Variants in TSC1 observed in about 807,000 individuals in gnomAD.
The protein encoded by TSC1 is TSC complex subunit 1.
Under a neutral mutation model 124.3 loss-of-function variants are expected in TSC1, and 20 were observed. That is an observed-to-expected ratio of 0.16 (90% CI 0.11 to 0.23). The LOEUF is 0.23. TSC1 is among the 10% of genes least tolerant of loss of function. TSC1 has a pLI of 1.00. For missense variants in TSC1, 1,124 were observed against 1,448.5 expected, an observed-to-expected ratio of 0.78 and a Z score of 3.64; for synonymous variants, 493 against 539.1, an observed-to-expected ratio of 0.91 and a Z score of 1.19.
In TSC1 at chr9:132,905,831, G is replaced by T. The variant is rs2131827202; in HGVS notation, c.1747C>A (p.Pro583Thr). ...GGAGGTGGAATTTTACAAGGACTGG[G>T]AGTGAAGATACTGGTCTCCAAAGAA... is the stretch of plus-strand genomic sequence containing the variant. ...QTSLETSIFT[P>T]SPCKIPPPTR... The change falls in exon 15 of 23, where the codon CCC becomes ACC. Residue 583 changes from proline (P) to threonine (T), a missense_variant. By Grantham distance (38) the Pro-to-Thr change is conservative (BLOSUM62 -1). Transcript: ENST00000298552. The T allele has an allele frequency of 3.1e-6, 5 of 1,614,146 alleles. No individual in the cohort carries two copies. The highest frequency in any genetic ancestry group is 4.2e-6 in the Non-Finnish European group (5 of 1,179,956).
chr9:132,913,821 G>A (rs1248840221), intron 8 of TSC1, among the ~76,000 whole-genome samples: 15 of 100,510 alleles, frequency 1.5e-4, no homozygotes, highest in Non-Finnish European at 2.4e-4. Context: ...GCGAGACTCC[G>A]TCTCAAAAAA....
rs1844859543 is a variant in TSC1, at chr9:132,893,186, C to CA, written c.*3048dup. On this transcript the variant is annotated 3_prime_UTR_variant, in exon 23 of 23. Transcript: ENST00000298552. ...CCGCAGCTTAGTCCCAAAGGTCAGG[C>CA]AGTTTTCTCTCCTGAAAAACTCTGT... 1 of 233,198 alleles carries CA rather than the reference C, an allele frequency of 4.3e-6. No individual in the cohort carries two copies. The highest frequency in any genetic ancestry group is 2.2e-5 in the African/African-American group (1 of 45,350). 14.4% of individuals were successfully genotyped at this position (233,198 alleles called of 1,614,324 possible).
chr9:132,904,562 T>C, intron 15 of TSC1, 108 bp from the exon 16 acceptor site: 1 of 1,064,246 alleles, frequency 9.4e-7, no homozygotes, highest in Non-Finnish European at 1.4e-6. Flanking sequence ...GGTCAAAATC[T>C]GCAATGGCAT....
chr9:132,942,043 G>A (rs1045292840), intron 1 of TSC1: 2 of 152,126 alleles, frequency 1.3e-5, no homozygotes, highest in East Asian at 3.8e-4. Context: ...ATTAATTCCA[G>A]GAAAAGCTAA....
intron 8 of TSC1, among the ~76,000 whole-genome samples, chr9:132,919,871 T>C (rs1696916354): frequency 6.6e-6 from 1 of 152,232 alleles, no homozygotes; most frequent in South Asian, 2.1e-4. Context: ...CCCTGGCCTG[T>C]ATAACTTGTC....
chr9:132,900,905 C>T, intron 19 of TSC1, 68 bp from the exon 20 acceptor site: 3 of 1,608,750 alleles, frequency 1.9e-6, no homozygotes, highest in East Asian at 2.2e-5. Flanking sequence ...CGTCATTAAA[C>T]AGGGAATCAG....
chr9:132,922,750 G>A (rs542737865), intron 6 of TSC1, among the ~76,000 whole-genome samples: 11 of 152,242 alleles, frequency 7.2e-5, no homozygotes, highest in Non-Finnish European at 1.6e-4. Flanking sequence ...CTGTCTCACA[G>A]GTCTGACATA....
intron 15 of TSC1, among the ~76,000 whole-genome samples, chr9:132,904,989 G>A (rs1845578360): frequency 6.6e-6 from 1 of 152,104 alleles, no homozygotes; most frequent in Non-Finnish European, 1.5e-5. Flanking sequence ...TATATAAGAA[G>A]AAAAATAAAA....
chr9:132,892,866 A>G lies in TSC1; in HGVS notation c.*3369T>C, dbSNP rs1844842796. 1 of 233,084 alleles carries G rather than the reference A, an allele frequency of 4.3e-6. No homozygotes were observed. The highest frequency in any genetic ancestry group is 1.8e-4 in the South Asian group (1 of 5,518). 14.4% of individuals were successfully genotyped at this position (233,084 alleles called of 1,614,324 possible). On this transcript the variant is annotated 3_prime_UTR_variant, in exon 23 of 23. Transcript: ENST00000298552. ...ATCCTTTCATCCCCATGACCATTTT[A>G]TACATCCTCCCCTCAACAACTGCTA...
Position 132,896,765 on chromosome 9 carries a change from G to C in TSC1, c.2976-11C>G. 1 of 1,613,620 alleles carries C rather than the reference G, an allele frequency of 6.2e-7. No individual in the cohort carries two copies. The highest frequency in any genetic ancestry group is 8.5e-7 in the Non-Finnish European group (1 of 1,180,032). On this transcript the variant is annotated splice_polypyrimidine_tract_variant and intron_variant, in intron 22 of 22. Transcript: ENST00000298552. This position sits in a 1 kb window ranked among gnomAD's most constrained non-coding sequence, Gnocchi z 4.5. ...TTACAACAGTCAAGCCTGTAAGAAA[G>C]CCGGGGAGGAAAAAAGGAGCTGGTG...
chr9:132,911,344 C>T, intron 10 of TSC1, 109 bp downstream of exon 10: 2 of 909,636 alleles, frequency 2.2e-6, no homozygotes, highest in South Asian at 2.6e-5. Context: ...AAAAGTGACT[C>T]CTGAAATGAG....
In TSC1 at chr9:132,925,878, TC is replaced by T. The variant is rs1186585634; in HGVS notation, c.211-140del. ...GGGTCATGCAGATAAAAGGTCAAAT[TC>T]AAGATTTTAAAAACCACGTTAGCAA... On this transcript the variant is annotated intron_variant, in intron 4 of 22. Transcript: ENST00000298552. The T allele has an allele frequency of 6.6e-6, 8 of 1,206,602 alleles. No homozygotes were observed. The Admixed American group carries it at 1.8e-4, about 27-fold the overall frequency. The allele number at this position is 1,206,602 out of a possible 1,614,324, so 74.7% of individuals were successfully genotyped here. A position where few individuals can be genotyped will look rare whatever the true frequency, so the allele number is the denominator to read the frequency against.
Position 132,896,949 on chromosome 9 carries a change from AAG to A in TSC1, c.2976-197_2976-196del, listed in dbSNP as rs1845104302. Reference sequence around the variant, plus strand: ...ACTAGGGATAGTAGGTGGCAATCTTAAGTGTGAACACTTCCTGTGGCCATATG... The same window carrying A: ...ACTAGGGATAGTAGGTGGCAATCTTATGTGAACACTTCCTGTGGCCATATG... On this transcript the variant is annotated intron_variant, in intron 22 of 22. Transcript: ENST00000298552. This position sits in a 1 kb window ranked among gnomAD's most constrained non-coding sequence, Gnocchi z 4.5. Among the ~76,000 whole-genome samples, 1 of 152,226 alleles carries A rather than the reference AAG, an allele frequency of 6.6e-6. No individual in the cohort carries two copies. Among genetic ancestry groups the A allele is most frequent in the Non-Finnish European group, 1.5e-5 (1 of 68,038 alleles).
rs537746376 is a variant in TSC1 at position 132,907,487 on chromosome 9, GTTTTC to G, written c.1264-122_1264-118del. Reference sequence around the variant, plus strand: ...GCAGTGATTCTCAAATTGTTGGGATGTTTTCTTTTCTTTTTTTTTGAGGTGGAGTT... The same window carrying G: ...GCAGTGATTCTCAAATTGTTGGGATGTTTTCTTTTTTTTTGAGGTGGAGTT... On this transcript the variant is annotated intron_variant, in intron 12 of 22. Transcript: ENST00000298552. 5.9e-3 allele frequency: 5,058 copies of G among 861,740 alleles called. 37 individuals carry two copies. The highest frequency in any genetic ancestry group is 0.016 in the South Asian group (1,110 of 71,110). The allele number at this position is 861,740 out of a possible 1,614,324, so 53.4% of individuals were successfully genotyped here. A position where few individuals can be genotyped will look rare whatever the true frequency, so the allele number is the denominator to read the frequency against.
intron 16 of TSC1, 21 bp downstream of exon 16, chr9:132,904,390 G>C (rs1329110666): frequency 6.2e-7 from 1 of 1,613,670 alleles, no homozygotes; most frequent in Admixed American, 1.7e-5. Flanking sequence ...GCTGGATTTG[G>C]AGCTAAAGTA....
In TSC1 at chr9:132,902,609, A is replaced by G; in HGVS notation, c.2387T>C (p.Leu796Ser). ...REEFYNQSQE[L>S]QTKLEDCRNM... is the part of the protein sequence containing the mutation. ...GCCTGGTGCTGCAGTTTATACCTGTAATTCCTGGCTCTGGTTGTAGAATTC... is the reference window on the plus strand; with the variant it reads ...GCCTGGTGCTGCAGTTTATACCTGTGATTCCTGGCTCTGGTTGTAGAATTC... Residue 796 changes from leucine to serine, a missense_variant, in exon 18 of 23, where the codon TTA becomes TCA. By Grantham distance (145) the Leu-to-Ser change is moderately radical. Around this residue, in one of 5 missense-constraint regions of TSC1, gnomAD observed 321 missense variants for 397.4 expected, o/e 0.81. Transcript: ENST00000298552. The surrounding 1 kb of genome is among the most constrained non-coding windows in gnomAD (Gnocchi z 5.2). 3.7e-6 allele frequency: 6 copies of G among 1,613,904 alleles called. No individual in the cohort carries two copies. The highest frequency in any genetic ancestry group is 5.1e-6 in the Non-Finnish European group (6 of 1,180,020).
Position 132,923,910 on chromosome 9 carries a change from A to AT in TSC1, c.364-419dup, listed in dbSNP as rs1213831577. 1.3e-5 allele frequency among the ~76,000 whole-genome samples: 2 copies of AT among 150,144 alleles called. No homozygotes were observed. The highest frequency in any genetic ancestry group is 5.0e-5 in the African/African-American group (2 of 39,736). On this transcript the variant is annotated intron_variant, in intron 5 of 22. Transcript: ENST00000298552. This position sits in a 1 kb window ranked among gnomAD's most constrained non-coding sequence, Gnocchi z 4.2. Reference sequence around the variant, plus strand: ...ATCCTAAGATACTTACTTTTTGTTAATTAAAAAAAAAAAAAACTGCACATT... The same window carrying AT: ...ATCCTAAGATACTTACTTTTTGTTAATTTAAAAAAAAAAAAAACTGCACATT...
rs1564465344 is a variant in TSC1 at position 132,893,133 on chromosome 9, T to TTAGTAAGAGG, written c.*3101_*3102insCCTCTTACTA. 1 of 233,144 alleles carries TTAGTAAGAGG rather than the reference T, an allele frequency of 4.3e-6. No individual in the cohort carries two copies. The highest frequency in any genetic ancestry group is 8.5e-6 in the Non-Finnish European group (1 of 118,062). 14.4% of individuals were successfully genotyped at this position (233,144 alleles called of 1,614,324 possible). On this transcript the variant is annotated 3_prime_UTR_variant, in exon 23 of 23. Coordinates refer to ENST00000298552, the MANE Select transcript of TSC1 (RefSeq NM_000368.5). Reference sequence around the variant, plus strand: ...CACAAAGTAGCTCACCTCTCGCCTCTCCACTCTTCAAGCTTAGTAAGAAGA... The same window carrying TTAGTAAGAGG: ...CACAAAGTAGCTCACCTCTCGCCTCTTAGTAAGAGGCCACTCTTCAAGCTTAGTAAGAAGA...
chr9:132,925,487 C>A (rs1164185762), intron 5 of TSC1, 100 bp downstream of exon 5: 7 of 1,484,116 alleles, frequency 4.7e-6, no homozygotes, highest in Non-Finnish European at 6.5e-6. Context: ...AGGTTTTAAA[C>A]TCTAAAAGTT....
Sources: allele counts gnomAD v4.1 joint callset (sites outside exome capture counted in the v4.1 genomes callset), GRCh38; gene constraint gnomAD v4.1.1; regional missense constraint gnomAD v4.1.1; non-coding constraint Gnocchi (gnomAD v3.1); transcripts MANE v1.5; gene names NCBI Gene and HGNC (gene_info 2026-07-23, HGNC 2026-07-21).